Variants in NSRP1 observed in about 807,000 individuals in gnomAD.
The protein encoded by NSRP1 is nuclear speckle splicing regulatory protein 1.
In NSRP1, 24 loss-of-function variants were observed where a neutral mutation model predicts 54.7. The observed-to-expected ratio is 0.44, with a 90% CI of 0.32 to 0.62. The LOEUF (loss-of-function observed/expected upper bound fraction) is 0.62. Among genes scored for constraint, NSRP1 ranks in the 20% least tolerant of loss-of-function variants. The probability of loss-of-function intolerance (pLI) is 0.06; values close to 1 mark genes in which losing one functional copy is unlikely to be tolerated. For missense variants in NSRP1, 596 were observed against 651.2 expected (o/e 0.92, Z 0.92); for synonymous variants, 210 against 213.8 (o/e 0.98, Z 0.15).
At chr17:30,139,986 T>C (rs1028916474) in intron 2 of NSRP1, among the ~76,000 whole-genome samples, 11 of 152,160 alleles carry the variant, frequency 7.2e-5, no homozygotes. Context: ...ATCGCACCAC[T>C]GCACTCCAGC....
At chr17:30,145,151 T>A (rs2071842263) in intron 2 of NSRP1, among the ~76,000 whole-genome samples, 3 of 152,232 alleles carry the variant, frequency 2.0e-5, no homozygotes, top group Admixed American at 2.0e-4. Flanking sequence ...ACACTTAAGT[T>A]ACCTTCAGTT....
rs180708343 is a variant in NSRP1 at position 30,119,247 on chromosome 17, G to T, written c.114+1074G>T. On this transcript the variant is annotated intron_variant, in intron 2 of 6. Coordinates refer to ENST00000247026, the MANE Select transcript of NSRP1 (RefSeq NM_032141.4). ...TGGGGTTACAGGTGCCTGCCACCAT[G>T]CCTGGCTAATTTTTATTTTTTTATT... 9.9e-4 allele frequency among the ~76,000 whole-genome samples: 151 copies of T among 151,832 alleles called. 2 individuals carry two copies. The Middle Eastern group carries it at 0.01, about 10-fold the overall frequency.
Position 30,169,336 on chromosome 17 carries a change from G to A in NSRP1, c.115-3206G>A, listed in dbSNP as rs548040028. ...AGCAGGTAAACTCTGACAGATTAAAGGTGACAGACTGAAGGAGGAGATAGG... is the reference window on the plus strand; with the variant it reads ...AGCAGGTAAACTCTGACAGATTAAAAGTGACAGACTGAAGGAGGAGATAGG... On this transcript the variant is annotated intron_variant, in intron 2 of 6. Coordinates refer to ENST00000247026, the MANE Select transcript of NSRP1 (RefSeq NM_032141.4). 1.6e-4 allele frequency among the ~76,000 whole-genome samples: 24 copies of A among 152,104 alleles called. 1 individual carries two copies. The South Asian group carries it at 1.9e-3, about 12-fold the overall frequency.
At chr17:30,141,195 C>A (rs1030705356) in intron 2 of NSRP1, among the ~76,000 whole-genome samples, 1 of 152,078 alleles carries the variant, frequency 6.6e-6, no homozygotes, top group African/African-American at 2.4e-5. Context: ...TCTTTATTAT[C>A]TCCATATAAT....
chr17:30,148,498 C>T (rs764119406), intron 2 of NSRP1, among the ~76,000 whole-genome samples: 16 of 152,192 alleles, frequency 1.1e-4, no homozygotes, highest in Non-Finnish European at 2.2e-4. Flanking sequence ...CATGCCATTT[C>T]ATTCAGGGCT....
chr17:30,122,168 A>G (rs1161528176), intron 2 of NSRP1, among the ~76,000 whole-genome samples: 1 of 151,270 alleles, frequency 6.6e-6, no homozygotes, highest in Non-Finnish European at 1.5e-5. Flanking sequence ...ATTCCATTGT[A>G]TGAATGTACC....
At chr17:30,133,109 ATTTTTTTT>A (rs558445432) in intron 2 of NSRP1, among the ~76,000 whole-genome samples, 2 of 110,934 alleles carry the variant, frequency 1.8e-5, no homozygotes, top group Non-Finnish European at 1.8e-5. Context: ...ACACCCAGCT[ATTTTTTTT>A]TTTTTTTTTT....
intron 2 of NSRP1, among the ~76,000 whole-genome samples, chr17:30,171,934 T>TCTCACA (rs1401311149): frequency 8.8e-6 from 1 of 113,346 alleles, no homozygotes; most frequent in Non-Finnish European, 1.7e-5. Flanking sequence ...TCCCCATTTC[T>TCTCACA]CACACACACA....
rs1005041322 is a variant in NSRP1, at chr17:30,178,091, G to C, written c.192G>C (p.Lys64Asn). Residue 64 changes from lysine (K) to asparagine (N), a missense_variant, in exon 4 of 7, where the codon AAG becomes AAC. Physicochemically the swap from Lys to Asn is moderately conservative, Grantham distance 94. Coordinates refer to ENST00000247026, the MANE Select transcript of NSRP1 (RefSeq NM_032141.4). ...AMKQTKLEIQ[K>N]ALAEDATVYE... is the part of the protein sequence containing the mutation. Reference sequence around the variant, plus strand: ...TTAAGACCAAACTGGAAATCCAGAAGGCCCTTGCAGAAGATGCTACTGTGT... The same window carrying C: ...TTAAGACCAAACTGGAAATCCAGAACGCCCTTGCAGAAGATGCTACTGTGT... The C allele has an allele frequency of 3.7e-6, 6 of 1,611,700 alleles. No individual in the cohort carries two copies. The Admixed American group carries it at 8.4e-5, about 23-fold the overall frequency.
At chr17:30,171,203 G>A (rs1341566110) in intron 2 of NSRP1, among the ~76,000 whole-genome samples, 1 of 151,304 alleles carries the variant, frequency 6.6e-6, no homozygotes, top group Non-Finnish European at 1.5e-5. Context: ...AGGGATTCTT[G>A]ATTCCTCATA....
intron 2 of NSRP1, among the ~76,000 whole-genome samples, chr17:30,171,976 C>CCTCTCTCTCT (rs58666089): frequency 0.1 from 8,095 of 79,982 alleles, 561 homozygotes; most frequent in Non-Finnish European, 0.15. Flanking sequence ...ACACACACTC[C>CCTCTCTCTCT]CTCTCTCTCT....
chr17:30,119,895 C>A (rs2071581790), intron 2 of NSRP1, among the ~76,000 whole-genome samples: 1 of 152,124 alleles, frequency 6.6e-6, no homozygotes, highest in African/African-American at 2.4e-5. Context: ...CTCTTTATGG[C>A]TCACAGTTTT....
intron 2 of NSRP1, among the ~76,000 whole-genome samples, chr17:30,170,292 A>G (rs1373340510): frequency 2.0e-5 from 3 of 152,180 alleles, no homozygotes; most frequent in Non-Finnish European, 2.9e-5. Context: ...TAACATGTCC[A>G]TTATCTTACA....
intron 2 of NSRP1, among the ~76,000 whole-genome samples, chr17:30,120,441 A>C (rs749798823): frequency 6.6e-6 from 1 of 152,234 alleles, no homozygotes; most frequent in Non-Finnish European, 1.5e-5. Context: ...ATGTCGTTGC[A>C]TTAGTAGATA....
rs1253948305 is a variant in NSRP1, at chr17:30,122,352, CATATATATATATAT to C, written c.114+4200_114+4213del. 7.0e-3 allele frequency: 150 copies of C among 21,566 alleles called. 4 individuals are homozygous for C. Among genetic ancestry groups the C allele is most frequent in the East Asian group, 0.019 (5 of 260 alleles). 1.3% of individuals were successfully genotyped at this position (21,566 alleles called of 1,614,324 possible). On this transcript the variant is annotated intron_variant, in intron 2 of 6. Transcript: ENST00000247026. The stretch of plus-strand genomic sequence containing the variant: ...CTGGTTCATATGATAACTCTGGTTT[CATATATATATATAT>C]ATATATATATATATATATATTTTTT...
chr17:30,158,307 C>CT (rs1297403228), intron 2 of NSRP1, among the ~76,000 whole-genome samples: 1 of 105,322 alleles, frequency 9.5e-6, no homozygotes, highest in African/African-American at 2.9e-5. Context: ...TTTTTAATGG[C>CT]ATTTTTTTTT....
At chr17:30,178,638 TTTTC>T (rs1359613958) in intron 4 of NSRP1, among the ~76,000 whole-genome samples, 2 of 152,286 alleles carry the variant, frequency 1.3e-5, no homozygotes, top group South Asian at 4.1e-4. Flanking sequence ...TAAGTTCAGA[TTTTC>T]TTTCTATCAA....
chr17:30,131,525 A>G (rs533588131), intron 2 of NSRP1, among the ~76,000 whole-genome samples: 16 of 139,798 alleles, frequency 1.1e-4, no homozygotes, highest in African/African-American at 4.4e-4. Flanking sequence ...TGTAGTTTTT[A>G]AAGTGTGTAA....
At chr17:30,128,685 G>A (rs886755627) in intron 2 of NSRP1, among the ~76,000 whole-genome samples, 1 of 151,994 alleles carries the variant, frequency 6.6e-6, no homozygotes, top group Non-Finnish European at 1.5e-5. Context: ...GTATTCAAAA[G>A]CATTTATCTT....
Sources: allele counts gnomAD v4.1 joint callset (sites outside exome capture counted in the v4.1 genomes callset), GRCh38; gene constraint gnomAD v4.1.1; transcripts MANE v1.5; gene names NCBI Gene and HGNC (gene_info 2026-07-23, HGNC 2026-07-21).